KCNQ1OT1: variants seen among roughly 807,000 people sequenced by gnomAD.
The protein encoded by KCNQ1OT1 is KCNQ1 antisense RNA 2 (non-protein coding).
chr11:2,630,767 T>A (rs1849339660), exon 1 of KCNQ1OT1: 1 of 398,328 alleles, frequency 2.5e-6, no homozygotes, highest in Non-Finnish European at 4.4e-6. Context: ...AAGGCAAGAG[T>A]AGTTGCTGAT....
At position 2,679,349 on chromosome 11, in the gene KCNQ1OT1, C is replaced by T. The variant is rs1160014902; in HGVS notation, n.20646G>A. 2.5e-6 allele frequency: 1 copy of T among 398,624 alleles called. No individual in the cohort carries two copies. Among genetic ancestry groups the T allele is most frequent in the South Asian group, 1.3e-4 (1 of 7,858 alleles). The allele number at this position is 398,624 out of a possible 1,614,324, so 24.7% of individuals were successfully genotyped here. On this transcript the variant is annotated non_coding_transcript_exon_variant, in exon 1 of 1. Transcript: ENST00000597346. This position sits in a 1 kb window ranked among gnomAD's most constrained non-coding sequence, Gnocchi z 4.8. ...ATATCCTAATTCCACTACTTTCTACCTGCTACACCTTGAGTGAGTCACTTA... is the reference window on the plus strand; with the variant it reads ...ATATCCTAATTCCACTACTTTCTACTTGCTACACCTTGAGTGAGTCACTTA...
chr11:2,648,260 C>A (rs1020365670), exon 1 of KCNQ1OT1: 6 of 398,434 alleles, frequency 1.5e-5, no homozygotes, highest in African/African-American at 2.1e-5. Context: ...TACCTTTTAT[C>A]TCTATTTCAT....
exon 1 of KCNQ1OT1, chr11:2,699,621 C>T: frequency 2.8e-6 from 1 of 353,844 alleles, no homozygotes; most frequent in Non-Finnish European, 5.0e-6. Flanking sequence ...CGGAGAGAAC[C>T]GCGCCGAAGA....
Position 2,661,727 on chromosome 11 carries a change from C to T in KCNQ1OT1, n.38268G>A, listed in dbSNP as rs144066217. ...ACAGCCCCAGGCACAGTTACCACTC[C>T]GAAGATGATTCACTGGCCTTTATTC... On this transcript the variant is annotated non_coding_transcript_exon_variant, in exon 1 of 1. Coordinates refer to ENST00000597346, the Ensembl canonical transcript of KCNQ1OT1. This position sits in a 1 kb window ranked among gnomAD's most constrained non-coding sequence, Gnocchi z 5.9. 1.7e-3 allele frequency: 1,060 copies of T among 617,296 alleles called. 10 individuals are homozygous for T. The East Asian group carries it at 0.024, about 14-fold the overall frequency. 38.2% of individuals were successfully genotyped at this position (617,296 alleles called of 1,614,324 possible).
rs1443916873 is a variant in KCNQ1OT1 at position 2,698,681 on chromosome 11, C to G, written n.1314G>C. 1 of 398,772 alleles carries G rather than the reference C, an allele frequency of 2.5e-6. No homozygotes were observed. Among genetic ancestry groups the G allele is most frequent in the Admixed American group, 4.4e-5 (1 of 22,708 alleles). The allele number at this position is 398,772 out of a possible 1,614,324, so 24.7% of individuals were successfully genotyped here. A position where few individuals can be genotyped will look rare whatever the true frequency, so the allele number is the denominator to read the frequency against. On this transcript the variant is annotated non_coding_transcript_exon_variant, in exon 1 of 1. Transcript: ENST00000597346. This position sits in a 1 kb window ranked among gnomAD's most constrained non-coding sequence, Gnocchi z 5.1. ...TAACTCAGAGCCCCCCATTCAGAAC[C>G]TCTACCCAAAGACAGACTCCAGACC...
rs2133837477 is a variant in KCNQ1OT1, at chr11:2,647,169, T to A, written n.52826A>T. On this transcript the variant is annotated non_coding_transcript_exon_variant, in exon 1 of 1. Coordinates refer to ENST00000597346, the Ensembl canonical transcript of KCNQ1OT1. The surrounding 1 kb of genome is among the most constrained non-coding windows in gnomAD (Gnocchi z 4.0). Reference sequence around the variant, plus strand: ...TTCTAGACATTATGTGATGAGCTTTTTTTTTTATCATGAAGAGATTTTGAA... The same window carrying A: ...TTCTAGACATTATGTGATGAGCTTTATTTTTTATCATGAAGAGATTTTGAA... 7.5e-6 allele frequency: 3 copies of A among 398,522 alleles called. No homozygotes were observed. Among genetic ancestry groups the A allele is most frequent in the Non-Finnish European group, 1.3e-5 (3 of 226,026 alleles). 24.7% of individuals were successfully genotyped at this position (398,522 alleles called of 1,614,324 possible).
exon 1 of KCNQ1OT1, chr11:2,666,282 G>A (rs774351801): frequency 7.5e-6 from 3 of 398,646 alleles, no homozygotes; most frequent in South Asian, 1.3e-4. Context: ...GGCAGAGGGG[G>A]TGGAAAGAAG....
At position 2,654,349 on chromosome 11, in the gene KCNQ1OT1, GA is replaced by G. The variant is rs1849803813; in HGVS notation, n.45645del. The G allele has an allele frequency of 2.5e-6, 1 of 398,608 alleles. No individual in the cohort carries two copies. Among genetic ancestry groups the G allele is most frequent in the South Asian group, 1.3e-4 (1 of 7,862 alleles). The allele number at this position is 398,608 out of a possible 1,614,324, so 24.7% of individuals were successfully genotyped here. On this transcript the variant is annotated non_coding_transcript_exon_variant, in exon 1 of 1. Transcript: ENST00000597346. This position sits in a 1 kb window ranked among gnomAD's most constrained non-coding sequence, Gnocchi z 6.4. Reference sequence around the variant, plus strand: ...GGGGCTTCTACTTGCAAAGGATAGGGAGAGCTTCTGTTCATCCTTGTGAAGT... The same window carrying G: ...GGGGCTTCTACTTGCAAAGGATAGGGGAGCTTCTGTTCATCCTTGTGAAGT...
In KCNQ1OT1 at chr11:2,608,709, G is replaced by C. The variant is rs576052697; in HGVS notation, n.91286C>G. On this transcript the variant is annotated non_coding_transcript_exon_variant, in exon 1 of 1. Transcript: ENST00000597346. This position sits in a 1 kb window ranked among gnomAD's most constrained non-coding sequence, Gnocchi z 4.6. ...GAACTCCTGGCCACAAGCAATTCTC[G>C]AACTCCTGGCCACAAGCAATTCTCC... The C allele has an allele frequency of 5.2e-6, 2 of 383,542 alleles. No homozygotes were observed. The highest frequency in any genetic ancestry group is 2.8e-5 in the African/African-American group (1 of 35,096). 23.8% of individuals were successfully genotyped at this position (383,542 alleles called of 1,614,324 possible).
Position 2,626,474 on chromosome 11 carries a change from C to A in KCNQ1OT1, n.73521G>T. 2.5e-6 allele frequency: 1 copy of A among 398,626 alleles called. No homozygotes were observed. The highest frequency in any genetic ancestry group is 4.4e-6 in the Non-Finnish European group (1 of 226,072). The allele number at this position is 398,626 out of a possible 1,614,324, so 24.7% of individuals were successfully genotyped here. A position where few individuals can be genotyped will look rare whatever the true frequency, so the allele number is the denominator to read the frequency against. ...GCTCTCTATTCAATTCCATTGGTCT[C>A]TACATCTTTATGTCAATACCACATA... is the stretch of plus-strand genomic sequence containing the variant. On this transcript the variant is annotated non_coding_transcript_exon_variant, in exon 1 of 1. Transcript: ENST00000597346. The surrounding 1 kb of genome is among the most constrained non-coding windows in gnomAD (Gnocchi z 4.0).
chr11:2,645,085 G>A lies in KCNQ1OT1; in HGVS notation n.54910C>T. The A allele has an allele frequency of 2.5e-6, 1 of 398,644 alleles. No homozygotes were observed. The highest frequency in any genetic ancestry group is 3.6e-5 in the East Asian group (1 of 28,078). The allele number at this position is 398,644 out of a possible 1,614,324, so 24.7% of individuals were successfully genotyped here. ...CAGAGCTGGGCCACAGGGTGGGTAG[G>A]TCCTTGAGCTCTGAGCAGCAGATAT... On this transcript the variant is annotated non_coding_transcript_exon_variant, in exon 1 of 1. Transcript: ENST00000597346. The surrounding 1 kb of genome is among the most constrained non-coding windows in gnomAD (Gnocchi z 5.8).
rs967153240 is a variant in KCNQ1OT1 at position 2,680,979 on chromosome 11, C to G, written n.19016G>C. 1.0e-5 allele frequency: 4 copies of G among 398,370 alleles called. No individual in the cohort carries two copies. The East Asian group carries it at 1.4e-4, about 14-fold the overall frequency. 24.7% of individuals were successfully genotyped at this position (398,370 alleles called of 1,614,324 possible). ...CTAGTGTTTTCAAGATTGCACTGAC[C>G]ATCATAGGTGAAATAGGTATGTGTT... On this transcript the variant is annotated non_coding_transcript_exon_variant, in exon 1 of 1. Transcript: ENST00000597346.
chr11:2,619,084 T>G (rs1406770755), exon 1 of KCNQ1OT1: 1 of 398,400 alleles, frequency 2.5e-6, no homozygotes, highest in African/African-American at 2.1e-5. Flanking sequence ...GTCAGAGTCT[T>G]CGGGGTTTTC....
At position 2,674,226 on chromosome 11, in the gene KCNQ1OT1, T is replaced by C. The variant is rs933142177; in HGVS notation, n.25769A>G. 4 of 398,480 alleles carry C rather than the reference T, an allele frequency of 1.0e-5. No homozygotes were observed. The highest frequency in any genetic ancestry group is 6.2e-5 in the African/African-American group (3 of 48,566). 24.7% of individuals were successfully genotyped at this position (398,480 alleles called of 1,614,324 possible). A position where few individuals can be genotyped will look rare whatever the true frequency, so the allele number is the denominator to read the frequency against. ...TTGTGGGTTTTTCTTGGGGCCCAGATAGATGTGAGCAGAGCTGGAGGCCCC... is the reference window on the plus strand; with the variant it reads ...TTGTGGGTTTTTCTTGGGGCCCAGACAGATGTGAGCAGAGCTGGAGGCCCC... On this transcript the variant is annotated non_coding_transcript_exon_variant, in exon 1 of 1. Transcript: ENST00000597346. The surrounding 1 kb of genome is among the most constrained non-coding windows in gnomAD (Gnocchi z 5.9).
chr11:2,648,968 CTTTTTTCTTTTTCTT>C (rs1849709766), exon 1 of KCNQ1OT1: 1 of 369,120 alleles, frequency 2.7e-6, no homozygotes, highest in South Asian at 1.5e-4. Context: ...TCCTTTGTCT[CTTTTTTCTTTTTCTT>C]TTTTTTTTTT....
exon 1 of KCNQ1OT1, chr11:2,655,758 G>A (rs940161668): frequency 2.6e-6 from 1 of 387,614 alleles, no homozygotes; most frequent in Admixed American, 4.6e-5. Flanking sequence ...GGGAAGAGGT[G>A]GCAGCTCTGG....
At position 2,682,227 on chromosome 11, in the gene KCNQ1OT1, A is replaced by G; in HGVS notation, n.17768T>C. The G allele has an allele frequency of 2.5e-6, 1 of 398,510 alleles. No individual in the cohort carries two copies. The highest frequency in any genetic ancestry group is 4.4e-6 in the Non-Finnish European group (1 of 226,058). The allele number at this position is 398,510 out of a possible 1,614,324, so 24.7% of individuals were successfully genotyped here. On this transcript the variant is annotated non_coding_transcript_exon_variant, in exon 1 of 1. Coordinates refer to ENST00000597346, the Ensembl canonical transcript of KCNQ1OT1. The surrounding 1 kb of genome is among the most constrained non-coding windows in gnomAD (Gnocchi z 5.8). ...AGGACTGTCTTATCCTGTGGTTCTT[A>G]GCTGAAATGTCCCTTCCTCAGAGGA...
At chr11:2,636,229 G>C (rs889811365) in exon 1 of KCNQ1OT1, 1 of 152,192 alleles carries the variant, frequency 6.6e-6, no homozygotes, top group Non-Finnish European at 1.5e-5. Flanking sequence ...ATGTTGAATA[G>C]GAGTGGTGAG....
At position 2,659,168 on chromosome 11, in the gene KCNQ1OT1, G is replaced by T; in HGVS notation, n.40827C>A. 1 of 398,580 alleles carries T rather than the reference G, an allele frequency of 2.5e-6. No homozygotes were observed. Among genetic ancestry groups the T allele is most frequent in the South Asian group, 1.3e-4 (1 of 7,846 alleles). 24.7% of individuals were successfully genotyped at this position (398,580 alleles called of 1,614,324 possible). On this transcript the variant is annotated non_coding_transcript_exon_variant, in exon 1 of 1. Coordinates refer to ENST00000597346, the Ensembl canonical transcript of KCNQ1OT1. The surrounding 1 kb of genome is among the most constrained non-coding windows in gnomAD (Gnocchi z 4.3). ...TTTGAGATTCAGTTCTGTGGGTTTT[G>T]ACAGATGTCTGGAGTCATGTGTCCA...
Sources: gnomAD v4.1 joint callset for allele counts on GRCh38, gnomAD v4.1.1 for gene constraint, Gnocchi (gnomAD v3.1) non-coding constraint, MANE v1.5 for transcripts, NCBI Gene and HGNC (gene_info 2026-07-23, HGNC 2026-07-21) for gene names.